The following UBN1 variants were observed in gnomAD, a reference collection of about 807,000 sequenced individuals.
UBN1 encodes the protein ubinuclein 1, also known as ubinuclein-1.
A neutral mutation model predicts 108.5 loss-of-function variants in UBN1; 17 were observed. The observed-to-expected ratio is 0.16, with a 90% CI of 0.11 to 0.24. UBN1 has a LOEUF of 0.24. UBN1 is among the 10% of genes least tolerant of loss of function. UBN1 has a pLI of 1.00. For synonymous variants in UBN1, 726 were observed against 564.2 expected (o/e 1.29, Z -4.07); for missense variants, 1,595 against 1,394.4 (o/e 1.14, Z -2.29).
At chr16:4,880,032 A>G in intron 17 of UBN1, 51 bp from the exon 18 acceptor site, 3 of 1,604,958 alleles carry the variant, frequency 1.9e-6, no homozygotes, top group Non-Finnish European at 2.6e-6. Context: ...GCCTTAAGGA[A>G]ATCAGAGAGC....
At chr16:4,849,967 C>CAAAAAAAAAAAA (rs1427006025) in intron 1 of UBN1, among the ~76,000 whole-genome samples, 2 of 117,710 alleles carry the variant, frequency 1.7e-5, no homozygotes, top group African/African-American at 3.2e-5. Flanking sequence ...AAAAAAAAAA[C>CAAAAAAAAAAAA]CACAAAAAAA....
At chr16:4,854,433 T>C (rs1337285600) in intron 2 of UBN1, among the ~76,000 whole-genome samples, 1 of 150,426 alleles carries the variant, frequency 6.6e-6, no homozygotes, top group Non-Finnish European at 1.5e-5. Context: ...AACTTCCGCC[T>C]CCCAGGTTCA....
At chr16:4,864,826 A>T (rs550898965) in intron 7 of UBN1, among the ~76,000 whole-genome samples, 1 of 152,284 alleles carries the variant, frequency 6.6e-6, no homozygotes, top group South Asian at 2.1e-4. Context: ...CATCACAAGA[A>T]GTGCAGGGAG....
At chr16:4,861,246 C>A (rs2087046828) in intron 7 of UBN1, 144 bp downstream of exon 7, 3 of 930,710 alleles carry the variant, frequency 3.2e-6, no homozygotes, top group East Asian at 2.6e-5. Flanking sequence ...CTATTCTCAT[C>A]CTGAGGGAGA....
At chr16:4,867,004 C>T (rs1567926489) in intron 7 of UBN1, among the ~76,000 whole-genome samples, 4 of 152,302 alleles carry the variant, frequency 2.6e-5, no homozygotes, top group South Asian at 4.2e-4. Context: ...CAGGCTTCGC[C>T]GGCCTCCTGG....
chr16:4,874,189 C>A, intron 14 of UBN1, 22 bp from the exon 15 acceptor site: 1 of 1,525,988 alleles, frequency 6.6e-7, no homozygotes, highest in Non-Finnish European at 8.8e-7. Flanking sequence ...TTCTAAACAT[C>A]AACATTTCTG....
intron 7 of UBN1, 118 bp downstream of exon 7, chr16:4,861,220 C>A: frequency 2.6e-6 from 3 of 1,175,414 alleles, no homozygotes; most frequent in Non-Finnish European, 2.3e-6. Flanking sequence ...GTTAAGGTGT[C>A]AGCTTTTTCC....
In UBN1 at chr16:4,870,457, C is replaced by A. The variant is rs528913492; in HGVS notation, c.1312-59C>A. On this transcript the variant is annotated intron_variant, in intron 9 of 17. Transcript: ENST00000262376. ...GCCTCCTTGTGATCACCCCATCATG[C>A]GTCCTGAGCGTAAGAGCGATGTGTA... The A allele has an allele frequency of 1.3e-5, 21 of 1,610,978 alleles. No homozygotes were observed. The Middle Eastern group carries it at 1.3e-3, about 101-fold the overall frequency.
rs1370273219 is a variant in UBN1 at position 4,848,224 on chromosome 16, T to A, written c.-40+14T>A. 6.6e-6 allele frequency: 1 copy of A among 152,252 alleles called. No homozygotes were observed. The highest frequency in any genetic ancestry group is 1.5e-5 in the Non-Finnish European group (1 of 68,044). 9.4% of individuals were successfully genotyped at this position (152,252 alleles called of 1,614,324 possible). A position where few individuals can be genotyped will look rare whatever the true frequency, so the allele number is the denominator to read the frequency against. Reference sequence around the variant, plus strand: ...CTGGGGACAAAGGTGCGTGTCGTTGTCGGGTCCGGGCTCTCTCGTTAGCCT... The same window carrying A: ...CTGGGGACAAAGGTGCGTGTCGTTGACGGGTCCGGGCTCTCTCGTTAGCCT... On this transcript the variant is annotated intron_variant, in intron 1 of 17. Coordinates refer to ENST00000262376, the MANE Select transcript of UBN1 (RefSeq NM_001079514.3).
At chr16:4,872,509 C>T (rs963751540) in intron 12 of UBN1, among the ~76,000 whole-genome samples, 1 of 152,128 alleles carries the variant, frequency 6.6e-6, no homozygotes, top group Non-Finnish European at 1.5e-5. Context: ...CACTCTGTTG[C>T]CCAGACTGGA....
At position 4,874,440 on chromosome 16, in the gene UBN1, C is replaced by G. The variant is rs1042592570; in HGVS notation, c.2030C>G (p.Ser677Cys). 2.5e-6 allele frequency: 4 copies of G among 1,613,994 alleles called. No individual in the cohort carries two copies. The highest frequency in any genetic ancestry group is 2.7e-5 in the African/African-American group (2 of 74,906). The change falls in exon 15 of 18, where the codon TCC (serine) becomes TGC (cysteine). Residue 677 changes from serine to cysteine, a missense_variant. Around this residue, in one of 3 missense-constraint regions of UBN1, gnomAD observed 1,398 missense variants for 1,194.7 expected, o/e 1.17. Transcript: ENST00000262376. ...CCAGCCTCCTCGGTGGAAGCCGTGT[C>G]CAAGGAATTGGCTGCATTGAATAGC... Reference protein sequence around the residue: ...RNPASSVEAVSKELAALNSRA... With the variant: ...RNPASSVEAVCKELAALNSRA...
Position 4,875,666 on chromosome 16 carries a change from A to G in UBN1, c.3024+232A>G, listed in dbSNP as rs567123089. ...CTTCTGAGGAGGGCAGAGGGACCTA[A>G]AGGATGGCCAGCACCAAGCACCATG... is the stretch of plus-strand genomic sequence containing the variant. On this transcript the variant is annotated intron_variant, in intron 15 of 17. Coordinates refer to ENST00000262376, the MANE Select transcript of UBN1 (RefSeq NM_001079514.3). 4.6e-5 allele frequency among the ~76,000 whole-genome samples: 7 copies of G among 152,280 alleles called. 1 individual carries two copies. The highest frequency in any genetic ancestry group is 1.7e-4 in the African/African-American group (7 of 41,570).
intron 1 of UBN1, 80 bp from the exon 2 acceptor site, chr16:4,852,799 A>T: frequency 7.4e-7 from 1 of 1,345,124 alleles, no homozygotes; most frequent in Non-Finnish European, 1.0e-6. Context: ...AAATTCTCTT[A>T]AACTTAAATC....
intron 1 of UBN1, among the ~76,000 whole-genome samples, chr16:4,849,954 A>AAAAAAAAAC (rs113493356): frequency 5.4e-5 from 8 of 149,482 alleles, no homozygotes; most frequent in Non-Finnish European, 1.0e-4. Context: ...TCTCACAAAA[A>AAAAAAAAAC]AAAAAAAAAA....
intron 1 of UBN1, among the ~76,000 whole-genome samples, chr16:4,849,949 C>CATAAAAAA (rs2086467139): frequency 1.4e-5 from 1 of 72,210 alleles, no homozygotes; most frequent in Non-Finnish European, 2.5e-5. Context: ...AACTGTCTCA[C>CATAAAAAA]AAAAAAAAAA....
At chr16:4,856,959 T>C (rs1162738188) in intron 2 of UBN1, among the ~76,000 whole-genome samples, 1 of 152,202 alleles carries the variant, frequency 6.6e-6, no homozygotes, top group Non-Finnish European at 1.5e-5. Context: ...TAAGAAAGTT[T>C]GTTTGAAACA....
rs1413492941 is a variant in UBN1, at chr16:4,877,779, T to C, written c.3355+305T>C. On this transcript the variant is annotated intron_variant, in intron 17 of 17. Coordinates refer to ENST00000262376, the MANE Select transcript of UBN1 (RefSeq NM_001079514.3). This position sits in a 1 kb window ranked among gnomAD's most constrained non-coding sequence, Gnocchi z 4.3. ...GTGGAGGAGTTCCTAACCCTCGGCT[T>C]GTTTTTTTCTCTTCAGTTTAAAAAA... The C allele has an allele frequency of 8.9e-7, 1 of 1,124,986 alleles. No individual in the cohort carries two copies. The highest frequency in any genetic ancestry group is 4.6e-5 in the East Asian group (1 of 21,840). The allele number at this position is 1,124,986 out of a possible 1,614,324, so 69.7% of individuals were successfully genotyped here.
chr16:4,860,594 G>A lies in UBN1; in HGVS notation c.672-70G>A, dbSNP rs551068143. The A allele has an allele frequency of 6.1e-6, 9 of 1,475,768 alleles. No homozygotes were observed. In the East Asian group the frequency reaches 1.8e-4, roughly 30 times the overall value. The allele number at this position is 1,475,768 out of a possible 1,614,324, so 91.4% of individuals were successfully genotyped here. A position where few individuals can be genotyped will look rare whatever the true frequency, so the allele number is the denominator to read the frequency against. ...GGAGACCATGACCCTGGGAGCAGGG[G>A]TGAAGGCCTCTGGAGTTCCCTTTGG... On this transcript the variant is annotated intron_variant, in intron 6 of 17. Coordinates refer to ENST00000262376, the MANE Select transcript of UBN1 (RefSeq NM_001079514.3).
intron 9 of UBN1, 84 bp from the exon 10 acceptor site, chr16:4,870,432 G>A (rs889527927): frequency 2.5e-6 from 4 of 1,609,650 alleles, no homozygotes; most frequent in Admixed American, 3.4e-5. Context: ...CTGCCCCACT[G>A]CCTCCTTGTG....
Sources: gnomAD v4.1 joint callset for allele counts (sites outside exome capture counted in the v4.1 genomes callset) on GRCh38, gnomAD v4.1.1 for gene constraint, gnomAD v4.1.1 regional missense constraint, Gnocchi (gnomAD v3.1) non-coding constraint, MANE v1.5 for transcripts, NCBI Gene and HGNC (gene_info 2026-07-23, HGNC 2026-07-21) for gene names.